ITSN1: variants seen among roughly 807,000 people sequenced by gnomAD.
ITSN1 encodes intersectin 1, also known as intersectin-1.
In ITSN1, 58 loss-of-function variants were observed where a neutral mutation model predicts 239.8. That is an observed-to-expected ratio of 0.24 (90% confidence interval 0.20 to 0.30). ITSN1 has a LOEUF of 0.30. Ranked by LOEUF, ITSN1 falls within the 10% of genes least tolerant of loss-of-function variation. ITSN1 has a pLI of 1.00. For missense variants in ITSN1, 1,558 were observed against 2,103.3 expected (o/e 0.74, Z 5.07); for synonymous variants, 780 against 770.8 (o/e 1.01, Z -0.20).
In ITSN1 at chr21:33,750,139, A is replaced by T. The variant is rs757122638; in HGVS notation, c.347-4A>T. 1 of 1,613,596 alleles carries T rather than the reference A, an allele frequency of 6.2e-7. No homozygotes were observed. The highest frequency in any genetic ancestry group is 8.5e-7 in the Non-Finnish European group (1 of 1,179,746). On this transcript the variant is annotated splice_region_variant and splice_polypyrimidine_tract_variant and intron_variant, in intron 5 of 39. Transcript: ENST00000381318. ...AATGGTGTTGAGCTGTTTTTTCTTC[A>T]TAGGTATGGGAGGTATCGCCAGCAT... is the stretch of plus-strand genomic sequence containing the variant.
At chr21:33,783,548 G>A (rs968854956) in intron 16 of ITSN1, among the ~76,000 whole-genome samples, 2 of 152,090 alleles carry the variant, frequency 1.3e-5, no homozygotes, top group African/African-American at 4.8e-5. Context: ...ATATGATTAT[G>A]TGTGGTATGT....
intron 14 of ITSN1, among the ~76,000 whole-genome samples, chr21:33,779,313 T>G (rs937687607): frequency 6.6e-6 from 1 of 152,202 alleles, no homozygotes; most frequent in Non-Finnish European, 1.5e-5. Flanking sequence ...ATTTTAAGCT[T>G]TAAATGTCCA....
chr21:33,706,941 TTGAACTCCTGACCTCA>T (rs1239566203), intron 1 of ITSN1, among the ~76,000 whole-genome samples: 7 of 152,176 alleles, frequency 4.6e-5, no homozygotes, highest in Non-Finnish European at 7.4e-5. Flanking sequence ...CAGGCTGGTG[TTGAACTCCTGACCTCA>T]AGTGATCCAC....
intron 4 of ITSN1, among the ~76,000 whole-genome samples, chr21:33,726,029 T>G (rs2065813057): frequency 6.6e-6 from 1 of 152,236 alleles, no homozygotes; most frequent in African/African-American, 2.4e-5. Context: ...AGTCTTGCTC[T>G]GTTGCTCAGG....
chr21:33,843,108 C>T (rs922456846), intron 29 of ITSN1, among the ~76,000 whole-genome samples: 1 of 152,150 alleles, frequency 6.6e-6, no homozygotes, highest in Non-Finnish European at 1.5e-5. Context: ...AGGCCTGCAC[C>T]TATACAGCTG....
chr21:33,682,924 G>A (rs2091047798), intron 1 of ITSN1, among the ~76,000 whole-genome samples: 3 of 152,142 alleles, frequency 2.0e-5, no homozygotes, highest in African/African-American at 2.4e-5. Flanking sequence ...GTTGCCAATC[G>A]GCAGTTGTAA....
chr21:33,774,747 G>A lies in ITSN1; in HGVS notation c.1324G>A (p.Glu442Lys), dbSNP rs773975976. The part of the protein sequence containing the change: ...ERREAAKREL[E>K]RQRQLEWERN... ...GTCACAGGCTGCAAAACGGGAACTT[G>A]AAAGGCAACGACAACTTGAGTGGGA... The change falls in exon 13 of 40, where the codon GAA becomes AAA. Residue 442 changes from glutamate to lysine, a missense_variant. Physicochemically the swap from Glu to Lys is moderately conservative, Grantham distance 56. Around this residue, in one of 2 missense-constraint regions of ITSN1, gnomAD observed 982 missense variants for 1,209.9 expected, o/e 0.81. Transcript: ENST00000381318. 6.2e-7 allele frequency: 1 copy of A among 1,612,534 alleles called. No homozygotes were observed. The highest frequency in any genetic ancestry group is 1.3e-5 in the African/African-American group (1 of 74,758).
At chr21:33,654,879 T>C (rs2088900753) in intron 1 of ITSN1, among the ~76,000 whole-genome samples, 1 of 152,216 alleles carries the variant, frequency 6.6e-6, no homozygotes, top group South Asian at 2.1e-4. Flanking sequence ...CTGTTCTTGG[T>C]CCAGCTGCAT....
At chr21:33,842,095 C>T (rs1159392420) in intron 29 of ITSN1, among the ~76,000 whole-genome samples, 7 of 152,076 alleles carry the variant, frequency 4.6e-5, no homozygotes, top group Admixed American at 4.6e-4. Flanking sequence ...TGGGGTTTCA[C>T]TGTGTTAGCC....
At chr21:33,675,187 G>C (rs970334952) in intron 1 of ITSN1, among the ~76,000 whole-genome samples, 2 of 152,044 alleles carry the variant, frequency 1.3e-5, no homozygotes, top group East Asian at 3.9e-4. Context: ...GAAAAACTTT[G>C]TTGTAGCTGA....
intron 25 of ITSN1, among the ~76,000 whole-genome samples, chr21:33,825,998 C>G (rs1338619086): frequency 6.6e-6 from 1 of 152,166 alleles, no homozygotes; most frequent in Non-Finnish European, 1.5e-5. Context: ...GCAAGATAGA[C>G]TCAAGCATAA....
At chr21:33,767,881 A>G (rs2068836102) in intron 11 of ITSN1, 53 bp downstream of exon 11, 1 of 1,007,202 alleles carries the variant, frequency 9.9e-7, no homozygotes, top group Admixed American at 2.0e-5. Flanking sequence ...GAAATTAGAG[A>G]TTTCCTATCT....
At chr21:33,858,218 C>T (rs1371200061) in intron 30 of ITSN1, among the ~76,000 whole-genome samples, 1 of 152,194 alleles carries the variant, frequency 6.6e-6, no homozygotes, top group Non-Finnish European at 1.5e-5. Context: ...ACCGAGGTGG[C>T]CACTGGCTTA....
intron 1 of ITSN1, among the ~76,000 whole-genome samples, chr21:33,679,255 G>GT (rs1783325442): frequency 6.6e-6 from 1 of 152,136 alleles, no homozygotes. Context: ...TATATGCATA[G>GT]TATTTGTGTT....
At chr21:33,774,632 C>T in intron 12 of ITSN1, 97 bp from the exon 13 acceptor site, 21 of 1,091,242 alleles carry the variant, frequency 1.9e-5, no homozygotes, top group South Asian at 8.6e-5. Context: ...ATATTTCATC[C>T]CTAAAAGGAA....
intron 1 of ITSN1, among the ~76,000 whole-genome samples, chr21:33,694,710 A>G (rs775254686): frequency 1.4e-4 from 22 of 152,064 alleles, no homozygotes; most frequent in Non-Finnish European, 3.1e-4. Context: ...AATCCCAGCG[A>G]CTTGGGAGGC....
At chr21:33,694,481 T>C (rs979406770) in intron 1 of ITSN1, among the ~76,000 whole-genome samples, 9 of 152,240 alleles carry the variant, frequency 5.9e-5, no homozygotes, top group Non-Finnish European at 1.2e-4. Flanking sequence ...TGCAGGAGTT[T>C]TGTTATTGGG....
chr21:33,782,409 CA>C (rs756954091), intron 16 of ITSN1, among the ~76,000 whole-genome samples: 2 of 152,148 alleles, frequency 1.3e-5, no homozygotes, highest in Non-Finnish European at 2.9e-5. Context: ...AAGTTGATTC[CA>C]AAAGCTTTAT....
chr21:33,863,686 TA>T (rs539069849), intron 31 of ITSN1, among the ~76,000 whole-genome samples: 1 of 152,190 alleles, frequency 6.6e-6, no homozygotes. Flanking sequence ...ATTCACTTGT[TA>T]AAAAAACTAC....
Sources: allele counts gnomAD v4.1 joint callset (sites outside exome capture counted in the v4.1 genomes callset), GRCh38; gene constraint gnomAD v4.1.1; regional missense constraint gnomAD v4.1.1; transcripts MANE v1.5; gene names NCBI Gene and HGNC (gene_info 2026-07-23, HGNC 2026-07-21).